TMEM164: variants seen among roughly 807,000 people sequenced by gnomAD.
TMEM164 encodes RP13-360B22.2.
In TMEM164, 4 loss-of-function variants were observed where a neutral mutation model predicts 18.8. That is an observed-to-expected ratio of 0.21 (90% CI 0.10 to 0.49). The LOEUF (loss-of-function observed/expected upper bound fraction) is 0.49. TMEM164 is among the 20% of genes least tolerant of loss of function. The pLI, the probability that TMEM164 is intolerant of heterozygous loss-of-function variation, is 0.98. For missense variants in TMEM164, 108 were observed against 239.9 expected (o/e 0.45, Z 3.63); for synonymous variants, 86 against 101.7 (o/e 0.85, Z 0.93).
At chrX:110,136,014 A>T (rs189772755) in intron 4 of TMEM164, among the ~76,000 whole-genome samples, 16 of 111,080 alleles carry the variant, frequency 1.4e-4, no homozygotes, top group East Asian at 5.6e-4. Flanking sequence ...AATGTCTTTT[A>T]AAAAAAAATC....
chrX:110,177,443 A>G lies in TMEM164; in HGVS notation c.*3992A>G, dbSNP rs914160777. On this transcript the variant is annotated 3_prime_UTR_variant, in exon 7 of 7. Transcript: ENST00000372068. ...GTCACTGTCTCCCCTGAACCCCCACACAGTGGCTTCCCTTAGAACCAGTCT... is the reference window on the plus strand; with the variant it reads ...GTCACTGTCTCCCCTGAACCCCCACGCAGTGGCTTCCCTTAGAACCAGTCT... 1 of 111,484 alleles carries G rather than the reference A, an allele frequency of 9.0e-6. No individual in the cohort carries two copies. Among genetic ancestry groups the G allele is most frequent in the African/African-American group, 3.3e-5 (1 of 30,621 alleles). The allele number at this position is 111,484 out of a possible 1,213,427, so 9.2% of individuals were successfully genotyped here.
rs1289117640 is a variant in TMEM164 at position 110,016,706 on chromosome X, G to A, written c.390+12542G>A. ...ACGTCTTGCTCTGTTGCTCAGGCTGGAGTGTAGTGGTATGAATATGGCTCA... is the reference window on the plus strand; with the variant it reads ...ACGTCTTGCTCTGTTGCTCAGGCTGAAGTGTAGTGGTATGAATATGGCTCA... On this transcript the variant is annotated intron_variant, in intron 2 of 6. Transcript: ENST00000372068. Among the ~76,000 whole-genome samples, 6 of 109,998 alleles carry A rather than the reference G, an allele frequency of 5.5e-5. No homozygotes were observed. In the Admixed American group the frequency reaches 5.8e-4, roughly 11 times the overall value.
intron 3 of TMEM164, among the ~76,000 whole-genome samples, chrX:110,068,363 A>G (rs777886508): frequency 8.9e-6 from 1 of 112,532 alleles, no homozygotes; most frequent in South Asian, 3.7e-4. Flanking sequence ...TTACTTGAAC[A>G]GCTCCTAAAG....
At chrX:110,103,984 T>G (rs1049840115) in intron 3 of TMEM164, among the ~76,000 whole-genome samples, 1 of 111,077 alleles carries the variant, frequency 9.0e-6, no homozygotes, top group Non-Finnish European at 1.9e-5. Context: ...TTTGAAAAAA[T>G]TTGCAGGCAA....
At chrX:110,027,069 A>G (rs1009375570) in intron 2 of TMEM164, among the ~76,000 whole-genome samples, 1 of 111,092 alleles carries the variant, frequency 9.0e-6, no homozygotes, top group Non-Finnish European at 1.9e-5. Flanking sequence ...CCTCCCGTAT[A>G]GTGCTTAATA....
intron 2 of TMEM164, among the ~76,000 whole-genome samples, chrX:110,066,341 A>C (rs146948675): frequency 3.6e-5 from 4 of 112,177 alleles, no homozygotes; most frequent in Non-Finnish European, 7.5e-5. Context: ...CCACACCATT[A>C]AGTCACTACA....
chrX:110,182,932 CAG>C (rs767008142), downstream of TMEM164, among the ~76,000 whole-genome samples: 2 of 111,865 alleles, frequency 1.8e-5, no homozygotes, highest in South Asian at 7.6e-4. Context: ...TACTTGGTCA[CAG>C]GAAGCCGCTT....
intron 2 of TMEM164, among the ~76,000 whole-genome samples, chrX:110,061,795 G>C (rs992308605): frequency 1.8e-5 from 2 of 111,444 alleles, no homozygotes; most frequent in Non-Finnish European, 3.8e-5. Context: ...TCACCAGAAT[G>C]GGCGTTTAAC....
intron 5 of TMEM164, among the ~76,000 whole-genome samples, chrX:110,165,362 G>A (rs1243550879): frequency 8.9e-6 from 1 of 112,922 alleles, no homozygotes; most frequent in Non-Finnish European, 1.9e-5. Context: ...TGTGGCAAGT[G>A]GCTACCTTAT....
rs746599900 is a variant in TMEM164, at chrX:110,078,705, G to T, written c.440+11309G>T. 1.5e-3 allele frequency among the ~76,000 whole-genome samples: 162 copies of T among 111,560 alleles called. 1 individual carries two copies. The highest frequency in any genetic ancestry group is 3.9e-3 in the Admixed American group (41 of 10,498). On this transcript the variant is annotated intron_variant, in intron 3 of 6. Coordinates refer to ENST00000372068, the MANE Select transcript of TMEM164 (RefSeq NM_032227.4). Reference sequence around the variant, plus strand: ...ATGGTGATGGGCACCTGTAATTCCAGCTACTCAGGAGGCTGAGGCAGGAGA... The same window carrying T: ...ATGGTGATGGGCACCTGTAATTCCATCTACTCAGGAGGCTGAGGCAGGAGA...
chrX:110,011,738 G>A, intron 2 of TMEM164, among the ~76,000 whole-genome samples: 1 of 112,004 alleles, frequency 8.9e-6, no homozygotes, highest in East Asian at 2.8e-4. Context: ...GGTCTAGGAT[G>A]AGGATGGGAA....
rs765207748 is a variant in TMEM164, at chrX:110,027,217, T to TC, written c.390+23054dup. Among the ~76,000 whole-genome samples the TC allele has an allele frequency of 1.6e-4, 18 of 111,499 alleles. No individual in the cohort carries two copies. The East Asian group carries it at 4.7e-3, about 29-fold the overall frequency. Reference sequence around the variant, plus strand: ...TTAGATTATAGAAGTTCCCTCCTATTCTAAGTTTGCTAAGATTTTTTAAAA... The same window carrying TC: ...TTAGATTATAGAAGTTCCCTCCTATTCCTAAGTTTGCTAAGATTTTTTAAAA... On this transcript the variant is annotated intron_variant, in intron 2 of 6. Coordinates refer to ENST00000372068, the MANE Select transcript of TMEM164 (RefSeq NM_032227.4).
chrX:110,012,144 T>A (rs1384624215), intron 2 of TMEM164, among the ~76,000 whole-genome samples: 1 of 112,255 alleles, frequency 8.9e-6, no homozygotes, highest in African/African-American at 3.2e-5. Context: ...GCATCCCACC[T>A]GCAACCAGTA....
chrX:110,004,665 A>G (rs1342341171), intron 2 of TMEM164, among the ~76,000 whole-genome samples: 2 of 112,098 alleles, frequency 1.8e-5, no homozygotes, highest in Admixed American at 9.4e-5. Flanking sequence ...TGACTCTTTC[A>G]TTTGGGAGTG....
At chrX:110,052,852 G>A (rs1935629450) in intron 2 of TMEM164, among the ~76,000 whole-genome samples, 1 of 101,771 alleles carries the variant, frequency 9.8e-6, no homozygotes, top group African/African-American at 3.6e-5. Context: ...CCAGGTTCAA[G>A]CGATTCTCCT....
At chrX:110,100,463 T>C (rs757331263) in intron 3 of TMEM164, among the ~76,000 whole-genome samples, 1 of 112,183 alleles carries the variant, frequency 8.9e-6, no homozygotes, top group African/African-American at 3.2e-5. Context: ...ACGTACTTTT[T>C]AGTCTTTTTT....
At chrX:110,090,189 A>G (rs1434384288) in intron 3 of TMEM164, among the ~76,000 whole-genome samples, 1 of 111,283 alleles carries the variant, frequency 9.0e-6, no homozygotes, top group African/African-American at 3.3e-5. Flanking sequence ...GGAAGTGGGA[A>G]ACCACCAGCT....
intron 2 of TMEM164, among the ~76,000 whole-genome samples, chrX:110,036,341 G>T (rs753992281): frequency 1.2e-4 from 13 of 111,887 alleles, no homozygotes; most frequent in Admixed American, 1.1e-3. Context: ...CCTCCTACTC[G>T]ATATGATCTC....
At chrX:110,032,136 C>T (rs1238002225) in intron 2 of TMEM164, among the ~76,000 whole-genome samples, 1 of 111,710 alleles carries the variant, frequency 9.0e-6, no homozygotes, top group Non-Finnish European at 1.9e-5. Flanking sequence ...GCCAATTACT[C>T]ATCTTTATTT....
Sources: gnomAD v4.1 joint callset for allele counts (sites outside exome capture counted in the v4.1 genomes callset) on GRCh38, gnomAD v4.1.1 for gene constraint, MANE v1.5 for transcripts, NCBI Gene and HGNC (gene_info 2026-07-23, HGNC 2026-07-21) for gene names.